WASHC2A: variants seen among roughly 807,000 people sequenced by gnomAD.
The protein encoded by WASHC2A is WASH complex subunit FAM21A.
Under a neutral mutation model 140.3 loss-of-function variants are expected in WASHC2A, and 82 were observed. The ratio of observed to expected loss-of-function variants is 0.58; its 90% CI spans 0.49 to 0.70. The LOEUF (loss-of-function observed/expected upper bound fraction) is 0.70. WASHC2A is among the 30% of genes least tolerant of loss of function. WASHC2A has a pLI of 0.00. For synonymous variants in WASHC2A, 340 were observed against 560.8 expected (o/e 0.61, Z 5.56); for missense variants, 985 against 1,521.8 (o/e 0.65, Z 5.87).
intron 16 of WASHC2A, 51 bp downstream of exon 16, chr10:50,097,853 A>G (rs1179573984): frequency 2.5e-6 from 4 of 1,611,364 alleles, no homozygotes; most frequent in African/African-American, 2.7e-5. Context: ...CCGCATTTTA[A>G]TAATTCATCC....
intron 29 of WASHC2A, 107 bp from the exon 30 acceptor site, chr10:50,130,794 G>A (rs1472848336): frequency 9.7e-6 from 15 of 1,553,938 alleles, no homozygotes; most frequent in Non-Finnish European, 1.3e-5. Flanking sequence ...TCTCGAGGCT[G>A]TTCCACACAC....
rs1843770521 is a variant in WASHC2A at position 50,129,755 on chromosome 10, T to C, written c.3424T>C (p.Ser1142Pro). The C allele has an allele frequency of 1.2e-6, 2 of 1,612,016 alleles. No homozygotes were observed. The highest frequency in any genetic ancestry group is 1.7e-6 in the Non-Finnish European group (2 of 1,179,874). The change falls in exon 29 of 31, where the codon TCT becomes CCT. Residue 1142 changes from serine (S) to proline (P), a missense_variant. Ser to Pro is a moderately conservative substitution (Grantham distance 74, BLOSUM62 -1). Coordinates refer to ENST00000282633, the MANE Select transcript of WASHC2A (RefSeq NM_001005751.3). ...GGACATCTTTTCCACGGGCACTGGATCTCAGTCTGTGGAGAGAACAAAACC... is the reference window on the plus strand; with the variant it reads ...GGACATCTTTTCCACGGGCACTGGACCTCAGTCTGTGGAGAGAACAAAACC... ...SGDIFSTGTG[S>P]QSVERTKPKA...
At chr10:50,079,027 A>AT (rs1177711191) in intron 4 of WASHC2A, among the ~76,000 whole-genome samples, 1 of 150,466 alleles carries the variant, frequency 6.6e-6, no homozygotes, top group African/African-American at 2.5e-5. Flanking sequence ...CACAGAGGTC[A>AT]TTTTTTTCCT....
At chr10:50,116,684 A>G (rs1165276956) in intron 21 of WASHC2A, among the ~76,000 whole-genome samples, 1 of 151,438 alleles carries the variant, frequency 6.6e-6, no homozygotes, top group African/African-American at 2.4e-5. Flanking sequence ...TGATTACTTC[A>G]GTGTTGCCTT....
At position 50,107,501 on chromosome 10, in the gene WASHC2A, CTCT is replaced by C. The variant is rs1554888933; in HGVS notation, c.1869+1038_1869+1040del. On this transcript the variant is annotated intron_variant, in intron 19 of 30. Transcript: ENST00000282633. ...ACATCTTCCTGTGTTATAATAATTC[CTCT>C]TTTTTTTTAACATTGTAGGCAAGTT... 6.0e-5 allele frequency among the ~76,000 whole-genome samples: 9 copies of C among 151,226 alleles called. No homozygotes were observed. The South Asian group carries it at 1.5e-3, about 25-fold the overall frequency.
In WASHC2A at chr10:50,126,655, G is replaced by A. The variant is rs1320405947; in HGVS notation, c.2811+476G>A. ...TGGGAACAGCCCAGGACTGGAGAGC[G>A]AGTGCCAGTTCCACGTGCAGGTGTC... On this transcript the variant is annotated intron_variant, in intron 26 of 30. Coordinates refer to ENST00000282633, the MANE Select transcript of WASHC2A (RefSeq NM_001005751.3). 1.3e-4 allele frequency: 39 copies of A among 296,158 alleles called. 1 individual carries two copies. The highest frequency in any genetic ancestry group is 8.4e-4 in the African/African-American group (38 of 45,350). 18.3% of individuals were successfully genotyped at this position (296,158 alleles called of 1,614,324 possible). A position where few individuals can be genotyped will look rare whatever the true frequency, so the allele number is the denominator to read the frequency against.
intron 5 of WASHC2A, among the ~76,000 whole-genome samples, chr10:50,082,328 T>G: frequency 6.6e-6 from 1 of 151,854 alleles, no homozygotes; most frequent in Middle Eastern, 3.2e-3. Flanking sequence ...TCTGTTGTTG[T>G]GTGAAATGTC....
chr10:50,129,486 A>G lies in WASHC2A; in HGVS notation c.3155A>G (p.Glu1052Gly), dbSNP rs777783933. ...TRAARRLAAQ[E>G]SSETEDMSVP... ...GCAGCTAGGCGGCTGGCTGCTCAGG[A>G]GTCCAGCGAGACTGAGGACATGAGC... is the stretch of plus-strand genomic sequence containing the variant. The change falls in exon 29 of 31, where the codon GAG (glutamate) becomes GGG (glycine). Residue 1052 changes from glutamate (E) to glycine (G), a missense_variant. Coordinates refer to ENST00000282633, the MANE Select transcript of WASHC2A (RefSeq NM_001005751.3). 9 of 1,611,904 alleles carry G rather than the reference A, an allele frequency of 5.6e-6. No individual in the cohort carries two copies. The highest frequency in any genetic ancestry group is 7.6e-6 in the Non-Finnish European group (9 of 1,179,862).
chr10:50,103,433 G>A (rs1280081043), intron 17 of WASHC2A, among the ~76,000 whole-genome samples: 3 of 151,998 alleles, frequency 2.0e-5, no homozygotes, highest in Non-Finnish European at 2.9e-5. Context: ...GGTGGCAGGC[G>A]CCTGTAGTCT....
intron 5 of WASHC2A, among the ~76,000 whole-genome samples, chr10:50,082,775 C>T (rs1386478219): frequency 7.5e-5 from 11 of 146,434 alleles, no homozygotes; most frequent in Non-Finnish European, 1.3e-4. Flanking sequence ...CTACTGCAAC[C>T]GACCAACCCT....
chr10:50,109,831 A>G (rs1452193310), intron 19 of WASHC2A, among the ~76,000 whole-genome samples: 13 of 152,032 alleles, frequency 8.6e-5, no homozygotes, highest in African/African-American at 2.9e-4. Context: ...GTGCAGTGGC[A>G]CGATCTCCGT....
At chr10:50,124,740 T>G (rs2805231) in intron 23 of WASHC2A, among the ~76,000 whole-genome samples, 88,330 of 147,878 alleles carry the variant, frequency 0.6, 26,630 homozygotes, top group South Asian at 0.7. Flanking sequence ...TCATTCAGTT[T>G]TATGTTTTTT....
chr10:50,103,259 T>C (rs1841394973), intron 17 of WASHC2A, among the ~76,000 whole-genome samples: 1 of 149,892 alleles, frequency 6.7e-6, no homozygotes, highest in Non-Finnish European at 1.5e-5. Flanking sequence ...AATTTGTATT[T>C]ACTTAAAAGA....
chr10:50,099,255 C>T (rs1366866068), intron 16 of WASHC2A, among the ~76,000 whole-genome samples: 1 of 150,198 alleles, frequency 6.7e-6, no homozygotes, highest in Non-Finnish European at 1.5e-5. Flanking sequence ...TAATCCATTA[C>T]CATCATTCTT....
chr10:50,084,823 C>T (rs1159402073), intron 6 of WASHC2A, among the ~76,000 whole-genome samples: 15 of 149,054 alleles, frequency 1.0e-4, no homozygotes, highest in African/African-American at 3.5e-4. Context: ...GCAACCTCCA[C>T]CTCCTGGGTT....
intron 19 of WASHC2A, among the ~76,000 whole-genome samples, chr10:50,108,889 GA>G (rs1182148936): frequency 0.33 from 25,057 of 75,768 alleles, 2,221 homozygotes; most frequent in Middle Eastern, 0.45. Context: ...CTCGAAAAAG[GA>G]AAAAAAAAAA....
At chr10:50,121,760 T>C (rs1843039421) in intron 23 of WASHC2A, among the ~76,000 whole-genome samples, 1 of 147,292 alleles carries the variant, frequency 6.8e-6, no homozygotes, top group Non-Finnish European at 1.5e-5. Context: ...GTTTCTTTTA[T>C]AGTAATACCA....
chr10:50,107,612 C>A (rs74731008), intron 19 of WASHC2A, among the ~76,000 whole-genome samples: 1 of 150,436 alleles, frequency 6.6e-6, no homozygotes, highest in African/African-American at 2.4e-5. Context: ...AAGCAGATTG[C>A]AAAAAAAAAT....
intron 8 of WASHC2A, 128 bp from the exon 9 acceptor site, chr10:50,090,648 G>C (rs1247150118): frequency 8.2e-6 from 6 of 729,526 alleles, no homozygotes; most frequent in Non-Finnish European, 1.1e-5. Flanking sequence ...TTCATAACTT[G>C]CTGCATCATG....
Sources: gnomAD v4.1 joint callset for allele counts (sites outside exome capture counted in the v4.1 genomes callset) on GRCh38, gnomAD v4.1.1 for gene constraint, MANE v1.5 for transcripts, NCBI Gene and HGNC (gene_info 2026-07-23, HGNC 2026-07-21) for gene names.